Variants in CNTN5 observed in about 807,000 individuals in gnomAD.
CNTN5 encodes contactin-5.
Under a neutral mutation model 129.1 loss-of-function variants are expected in CNTN5, and 77 were observed. That is an observed-to-expected ratio of 0.60 (90% CI 0.50 to 0.72). The LOEUF is 0.72. Ranked by LOEUF, CNTN5 falls within the 30% of genes least tolerant of loss-of-function variation. The pLI, the probability that CNTN5 is intolerant of heterozygous loss-of-function variation, is 0.00. For synonymous variants in CNTN5, 509 were observed against 465.6 expected (o/e 1.09, Z -1.20); for missense variants, 1,478 against 1,328.8 (o/e 1.11, Z -1.75).
chr11:99,081,278 G>A lies in CNTN5; in HGVS notation c.-210+60008G>A, dbSNP rs898655016. ...ATATGTTTAGTGCTTTTTATTGAGTGGAACTCTTCACAATTAACTGTGGAG... is the reference window on the plus strand; with the variant it reads ...ATATGTTTAGTGCTTTTTATTGAGTAGAACTCTTCACAATTAACTGTGGAG... On this transcript the variant is annotated intron_variant, in intron 1 of 24. Transcript: ENST00000524871. Among the ~76,000 whole-genome samples, 9 of 152,004 alleles carry A rather than the reference G, an allele frequency of 5.9e-5. No homozygotes were observed. In the South Asian group the frequency reaches 1.2e-3, roughly 21 times the overall value.
chr11:100,069,272 C>A (rs1418057294), intron 10 of CNTN5, among the ~76,000 whole-genome samples: 2 of 152,268 alleles, frequency 1.3e-5, no homozygotes, highest in Middle Eastern at 3.4e-3. Flanking sequence ...CCTGCCTCAA[C>A]CTTCCAAGTG....
At chr11:99,417,275 A>T (rs564573715) in intron 2 of CNTN5, among the ~76,000 whole-genome samples, 1 of 152,174 alleles carries the variant, frequency 6.6e-6, no homozygotes, top group Non-Finnish European at 1.5e-5. Context: ...GATTAAACAC[A>T]CTCATTGGTT....
intron 2 of CNTN5, among the ~76,000 whole-genome samples, chr11:99,536,880 CAATT>C (rs1947922808): frequency 7.0e-6 from 1 of 142,004 alleles, no homozygotes; most frequent in East Asian, 2.1e-4. Flanking sequence ...AAAAAGGAAA[CAATT>C]AAAACGTAAT....
chr11:99,484,968 G>A (rs568994229), intron 2 of CNTN5, among the ~76,000 whole-genome samples: 6 of 152,222 alleles, frequency 3.9e-5, no homozygotes, highest in African/African-American at 1.2e-4. Context: ...CAAGATATTT[G>A]TTACAGCTAG....
At chr11:99,917,525 G>A (rs1457689706) in intron 7 of CNTN5, among the ~76,000 whole-genome samples, 1 of 152,000 alleles carries the variant, frequency 6.6e-6, no homozygotes, top group Non-Finnish European at 1.5e-5. Flanking sequence ...TTGCAGAAAA[G>A]GGGAAAAGAA....
At position 100,161,434 on chromosome 11, in the gene CNTN5, T is replaced by G. The variant is rs574402022; in HGVS notation, c.1581-29692T>G. Among the ~76,000 whole-genome samples the G allele has an allele frequency of 7.9e-5, 12 of 152,038 alleles. No individual in the cohort carries two copies. The East Asian group carries it at 1.2e-3, about 15-fold the overall frequency. On this transcript the variant is annotated intron_variant, in intron 13 of 24. Transcript: ENST00000524871. ...TAATGTTCAGTAAAACGGTTATATATCATAGTTCATTCAAATATATTTTAC... is the reference window on the plus strand; with the variant it reads ...TAATGTTCAGTAAAACGGTTATATAGCATAGTTCATTCAAATATATTTTAC...
chr11:99,891,416 G>A (rs1313325176), intron 6 of CNTN5, among the ~76,000 whole-genome samples: 1 of 151,960 alleles, frequency 6.6e-6, no homozygotes. Context: ...GTGCCATGGT[G>A]GTTTGCTGCA....
At position 99,388,967 on chromosome 11, in the gene CNTN5, C is replaced by T. The variant is rs577260917; in HGVS notation, c.-71+63483C>T. Among the ~76,000 whole-genome samples the T allele has an allele frequency of 2.1e-5, 3 of 143,322 alleles. No homozygotes were observed. In the South Asian group the frequency reaches 7.3e-4, roughly 35 times the overall value. The allele number at this position is 143,322 out of a possible 152,430, so 94.0% of individuals were successfully genotyped here. A position where few individuals can be genotyped will look rare whatever the true frequency, so the allele number is the denominator to read the frequency against. The stretch of plus-strand genomic sequence containing the variant: ...AATATCTTTAACTCAATTTAAGACA[C>T]CTAATTCTCCAGTCCTTATTTTATT... On this transcript the variant is annotated intron_variant, in intron 2 of 24. Transcript: ENST00000524871.
chr11:99,485,868 C>G (rs1056541262), intron 2 of CNTN5, among the ~76,000 whole-genome samples: 2 of 151,952 alleles, frequency 1.3e-5, no homozygotes, highest in African/African-American at 4.8e-5. Context: ...AGTAGGCAAT[C>G]AAGCAATTGG....
In CNTN5 at chr11:99,845,124, G is replaced by T; in HGVS notation, c.439G>T (p.Asp147Tyr). 6.2e-7 allele frequency: 1 copy of T among 1,613,706 alleles called. No individual in the cohort carries two copies. The highest frequency in any genetic ancestry group is 8.5e-7 in the Non-Finnish European group (1 of 1,179,816). ...RNGTEIDLES[D>Y]YRYSLIDGTF... Reference sequence around the variant, plus strand: ...TGGAACAGAAATAGATCTGGAAAGTGATTATCGCTACAGTTTGATAGATGG... The same window carrying T: ...TGGAACAGAAATAGATCTGGAAAGTTATTATCGCTACAGTTTGATAGATGG... Residue 147 changes from aspartate to tyrosine, a missense_variant, in exon 6 of 25, where the codon GAT becomes TAT. Coordinates refer to ENST00000524871, the MANE Select transcript of CNTN5 (RefSeq NM_014361.4).
intron 1 of CNTN5, among the ~76,000 whole-genome samples, chr11:99,262,415 T>A (rs1862678222): frequency 6.6e-6 from 1 of 152,070 alleles, no homozygotes; most frequent in Admixed American, 6.6e-5. Context: ...TAGCTACTAT[T>A]ATTGATTGAG....
chr11:99,383,224 C>A (rs1940708942), intron 2 of CNTN5, among the ~76,000 whole-genome samples: 1 of 151,998 alleles, frequency 6.6e-6, no homozygotes, highest in South Asian at 2.1e-4. Context: ...TATCAGTAGT[C>A]TCTTTTGTAT....
At chr11:99,426,461 A>G (rs1240625472) in intron 2 of CNTN5, among the ~76,000 whole-genome samples, 1 of 152,206 alleles carries the variant, frequency 6.6e-6, no homozygotes, top group Non-Finnish European at 1.5e-5. Context: ...CTCAATTCTT[A>G]TAAACAAATC....
intron 2 of CNTN5, among the ~76,000 whole-genome samples, chr11:99,397,662 A>T (rs7932793): frequency 1 from 151,841 of 151,944 alleles, 75,869 homozygotes; most frequent in Non-Finnish European, 1. Flanking sequence ...TCTGTGCCCT[A>T]TTGAAATACT....
intron 3 of CNTN5, among the ~76,000 whole-genome samples, chr11:99,801,024 G>C (rs1313885120): frequency 3.3e-5 from 5 of 152,198 alleles, no homozygotes; most frequent in African/African-American, 1.2e-4. Context: ...GTTTCTGTGG[G>C]TTATGTACTT....
intron 1 of CNTN5, among the ~76,000 whole-genome samples, chr11:99,126,331 C>T (rs1212967918): frequency 6.6e-6 from 1 of 152,166 alleles, no homozygotes; most frequent in African/African-American, 2.4e-5. Context: ...ATCTCTGCTG[C>T]CTTCAAACTT....
intron 13 of CNTN5, among the ~76,000 whole-genome samples, chr11:100,078,347 T>C (rs973378330): frequency 1.3e-5 from 2 of 152,190 alleles, no homozygotes; most frequent in African/African-American, 2.4e-5. Context: ...TGCTTATATA[T>C]TACCAAACAT....
intron 13 of CNTN5, among the ~76,000 whole-genome samples, chr11:100,081,572 G>C (rs1944365501): frequency 6.6e-6 from 1 of 152,112 alleles, no homozygotes. Flanking sequence ...TATGAATCCA[G>C]CAATGGGGTG....
chr11:99,657,803 T>A (rs987946397), intron 3 of CNTN5, among the ~76,000 whole-genome samples: 5 of 152,070 alleles, frequency 3.3e-5, no homozygotes, highest in Admixed American at 6.6e-5. Context: ...ACATAAAAAA[T>A]TCAAGGAAAA....
Sources: allele counts gnomAD v4.1 joint callset (sites outside exome capture counted in the v4.1 genomes callset), GRCh38; gene constraint gnomAD v4.1.1; transcripts MANE v1.5; gene names NCBI Gene and HGNC (gene_info 2026-07-23, HGNC 2026-07-21).